The following LRSAM1 variants were observed in gnomAD, a reference collection of about 807,000 sequenced individuals.
LRSAM1 encodes E3 ubiquitin-protein ligase LRSAM1.
In LRSAM1, 96 loss-of-function variants were observed where a neutral mutation model predicts 118.1. The ratio of observed to expected loss-of-function variants is 0.81; its 90% CI spans 0.69 to 0.96. The LOEUF (loss-of-function observed/expected upper bound fraction) is 0.96, where lower values mean the gene tolerates loss of function less well. LRSAM1 is among the 40% of genes least tolerant of loss of function. LRSAM1 has a pLI of 0.00. For missense variants in LRSAM1, 804 were observed against 915.5 expected, an observed-to-expected ratio of 0.88 and a Z score of 1.57; for synonymous variants, 322 against 364.2, an observed-to-expected ratio of 0.88 and a Z score of 1.32.
intron 10 of LRSAM1, 65 bp downstream of exon 10, chr9:127,467,895 C>T: frequency 6.8e-7 from 1 of 1,480,536 alleles, no homozygotes. Context: ...CACCCTGTGC[C>T]AGCCCAGGCT....
At chr9:127,452,879 CTG>C (rs1834376185) in intron 2 of LRSAM1, among the ~76,000 whole-genome samples, 1 of 152,184 alleles carries the variant, frequency 6.6e-6, no homozygotes, top group Non-Finnish European at 1.5e-5. Context: ...TTTACAGACA[CTG>C]TGCAGGCCCT....
chr9:127,479,458 C>T lies in LRSAM1; in HGVS notation c.856C>T (p.Gln286Ter). The change falls in exon 13 of 26, where the codon CAG (glutamine) becomes TAG (stop). Residue 286 changes from glutamine to a stop codon, truncating the protein, a stop_gained. Transcript: ENST00000300417. LOFTEE classifies it high-confidence loss of function. Reference protein sequence around the residue: ...LGQREHTQLLQQSSSQKDEIL... With the variant: ...LGQREHTQLL The stretch of plus-strand genomic sequence containing the variant: ...GCAGCGGGAGCACACCCAGCTCCTT[C>T]AGCAGAGCAGCAGCCAGAAGGATGA... The T allele has an allele frequency of 6.2e-7, 1 of 1,614,182 alleles. No homozygotes were observed. Among genetic ancestry groups the T allele is most frequent in the Non-Finnish European group, 8.5e-7 (1 of 1,180,026 alleles).
chr9:127,483,709 G>A (rs1033934161), intron 16 of LRSAM1, among the ~76,000 whole-genome samples: 1 of 152,118 alleles, frequency 6.6e-6, no homozygotes, highest in Non-Finnish European at 1.5e-5. Context: ...TGTTGCTCAG[G>A]CTGGAGTACA....
At chr9:127,475,380 A>G (rs1835316426) in intron 11 of LRSAM1, among the ~76,000 whole-genome samples, 1 of 152,052 alleles carries the variant, frequency 6.6e-6, no homozygotes. Flanking sequence ...AATCCCAGCT[A>G]CTCGGGAGGC....
chr9:127,466,504 A>ATTTTTT (rs869115663), intron 9 of LRSAM1, among the ~76,000 whole-genome samples: 3 of 24,530 alleles, frequency 1.2e-4, no homozygotes, highest in South Asian at 1.6e-3. Context: ...ATATATATAT[A>ATTTTTT]TTTTTTTTTT....
chr9:127,469,446 G>A (rs1438947495), intron 10 of LRSAM1, among the ~76,000 whole-genome samples: 3 of 151,160 alleles, frequency 2.0e-5, no homozygotes, highest in Non-Finnish European at 2.9e-5. Context: ...CTCCAGTCTG[G>A]ATGACAGAGC....
intron 6 of LRSAM1, among the ~76,000 whole-genome samples, chr9:127,457,711 G>C (rs2243898): frequency 0.61 from 92,866 of 152,078 alleles, 28,752 homozygotes; most frequent in Middle Eastern, 0.68. Context: ...GGAGGGACGC[G>C]CAGGTGATCT....
intron 19 of LRSAM1, among the ~76,000 whole-genome samples, chr9:127,490,286 C>T (rs1835888521): frequency 6.7e-6 from 1 of 148,424 alleles, no homozygotes; most frequent in Non-Finnish European, 1.5e-5. Context: ...TTTTTTGGAC[C>T]AATTTACCTT....
At chr9:127,459,510 C>T (rs1834656175) in intron 7 of LRSAM1, among the ~76,000 whole-genome samples, 1 of 151,948 alleles carries the variant, frequency 6.6e-6, no homozygotes, top group Non-Finnish European at 1.5e-5. Context: ...TGAGCCACCA[C>T]GCCTGACCAA....
At chr9:127,455,167 G>T (rs1351280893) in intron 4 of LRSAM1, 113 bp downstream of exon 4, 1 of 1,035,890 alleles carries the variant, frequency 9.7e-7, no homozygotes, top group Admixed American at 1.7e-5. Context: ...AGAAGCTCTA[G>T]TCACGAGATG....
At chr9:127,497,610 C>T (rs1400806083) in intron 24 of LRSAM1, among the ~76,000 whole-genome samples, 1 of 152,000 alleles carries the variant, frequency 6.6e-6, no homozygotes, top group African/African-American at 2.4e-5. Flanking sequence ...TCCCTCAGTC[C>T]ACCCTACAGA....
chr9:127,484,334 TTAATAG>T (rs1330923751), intron 16 of LRSAM1, among the ~76,000 whole-genome samples: 10 of 151,960 alleles, frequency 6.6e-5, no homozygotes, highest in Admixed American at 1.3e-4. Flanking sequence ...TTCTTCCTTT[TTAATAG>T]TAAATAACGT....
At chr9:127,464,435 G>A (rs1834859182) in intron 9 of LRSAM1, among the ~76,000 whole-genome samples, 1 of 151,954 alleles carries the variant, frequency 6.6e-6, no homozygotes, top group Non-Finnish European at 1.5e-5. Flanking sequence ...GCTGTCCAGA[G>A]CGGCAGCCGC....
intron 16 of LRSAM1, among the ~76,000 whole-genome samples, chr9:127,484,031 C>T (rs1835634571): frequency 6.6e-6 from 1 of 152,174 alleles, no homozygotes; most frequent in Admixed American, 6.6e-5. Flanking sequence ...ATCGCCAGAA[C>T]TTTTTCATCT....
intron 5 of LRSAM1, 139 bp from the exon 6 acceptor site, chr9:127,457,177 T>C (rs1329415290): frequency 6.0e-6 from 5 of 835,850 alleles, no homozygotes; most frequent in Non-Finnish European, 9.9e-6. Context: ...TTCATGATAC[T>C]GACCCGCATC....
chr9:127,487,957 G>A (rs2132087502), intron 18 of LRSAM1, among the ~76,000 whole-genome samples, 194 bp downstream of exon 18: 1 of 152,184 alleles, frequency 6.6e-6, no homozygotes, highest in South Asian at 2.1e-4. Flanking sequence ...ATGGTCTTCT[G>A]GTCACTAAAA....
chr9:127,479,097 A>ACT, intron 12 of LRSAM1, 134 bp downstream of exon 12: 1 of 1,011,174 alleles, frequency 9.9e-7, no homozygotes, highest in Non-Finnish European at 1.5e-6. Context: ...TCTTACACGC[A>ACT]GTCTGCTGCA....
At chr9:127,474,882 C>T (rs1203921633) in intron 11 of LRSAM1, among the ~76,000 whole-genome samples, 1 of 152,090 alleles carries the variant, frequency 6.6e-6, no homozygotes, top group Non-Finnish European at 1.5e-5. Flanking sequence ...CCCCAAGGCT[C>T]ATGATCCAGG....
At chr9:127,492,724 C>A (rs1835976072) in intron 20 of LRSAM1, 78 bp from the exon 21 acceptor site, 1 of 1,340,342 alleles carries the variant, frequency 7.5e-7, no homozygotes, top group Admixed American at 1.9e-5. Flanking sequence ...GGAGGCCAGG[C>A]CCTTCTCCAT....
Sources: allele counts gnomAD v4.1 joint callset (sites outside exome capture counted in the v4.1 genomes callset), GRCh38; gene constraint gnomAD v4.1.1; transcripts MANE v1.5; gene names NCBI Gene and HGNC (gene_info 2026-07-23, HGNC 2026-07-21).